Variants in PRKN observed in about 807,000 individuals in gnomAD.
The protein encoded by PRKN is parkin RBR E3 ubiquitin protein ligase.
PRKN carries 56 observed loss-of-function variants against 59.5 expected under a neutral mutation model. The ratio of observed to expected loss-of-function variants is 0.94; its 90% confidence interval spans 0.76 to 1.18. The LOEUF is 1.18. PRKN is among the 50% of genes most tolerant of loss of function. PRKN has a pLI of 0.00. For missense variants in PRKN, 657 were observed against 596.4 expected (o/e 1.10, Z -1.06); for synonymous variants, 250 against 222.1 (o/e 1.13, Z -1.12).
At chr6:162,007,912 G>C (rs1053926527) in intron 5 of PRKN, among the ~76,000 whole-genome samples, 1 of 152,102 alleles carries the variant, frequency 6.6e-6, no homozygotes, top group African/African-American at 2.4e-5. Context: ...CAATACAGCA[G>C]AATGAAAAGC....
At chr6:161,795,009 C>T (rs529305427) in intron 6 of PRKN, among the ~76,000 whole-genome samples, 7 of 151,708 alleles carry the variant, frequency 4.6e-5, no homozygotes, top group South Asian at 2.1e-4. Flanking sequence ...CTCAGCCTCC[C>T]GAGTAGCTGG....
intron 1 of PRKN, among the ~76,000 whole-genome samples, chr6:162,673,935 T>C (rs1779437030): frequency 6.6e-6 from 1 of 152,152 alleles, no homozygotes; most frequent in Admixed American, 6.5e-5. Flanking sequence ...GTTAGCACTG[T>C]AGGACTCTGG....
intron 2 of PRKN, among the ~76,000 whole-genome samples, chr6:162,415,819 A>G (rs1026478742): frequency 2.6e-5 from 4 of 152,124 alleles, no homozygotes; most frequent in African/African-American, 9.7e-5. Context: ...GTCTCAAAAA[A>G]AGTTAAGACA....
intron 1 of PRKN, among the ~76,000 whole-genome samples, chr6:162,636,255 A>C (rs1235785610): frequency 4.6e-5 from 1 of 21,956 alleles, no homozygotes; most frequent in African/African-American, 7.6e-4. Flanking sequence ...AAGTCAGTAG[A>C]AAAAAAAAAA....
In PRKN at chr6:161,352,771, A is replaced by ATT. The variant is rs1554251152; in HGVS notation, c.1286-2562_1286-2561dup. Among the ~76,000 whole-genome samples, 4 of 116,896 alleles carry ATT rather than the reference A, an allele frequency of 3.4e-5. No homozygotes were observed. The highest frequency in any genetic ancestry group is 5.9e-5 in the Non-Finnish European group (3 of 50,486). 76.7% of individuals were successfully genotyped at this position (116,896 alleles called of 152,430 possible). On this transcript the variant is annotated intron_variant, in intron 11 of 11. Transcript: ENST00000366898. The surrounding 1 kb of genome is among the most constrained non-coding windows in gnomAD (Gnocchi z 5.8). Reference sequence around the variant, plus strand: ...TGTGTGTGTGTATATATATATATATATTTTATTTTATTTTATTTTATTTTT... The same window carrying ATT: ...TGTGTGTGTGTATATATATATATATATTTTTTATTTTATTTTATTTTATTTTT...
chr6:161,524,837 G>T (rs762412913), intron 9 of PRKN, among the ~76,000 whole-genome samples: 2 of 152,124 alleles, frequency 1.3e-5, no homozygotes, highest in Non-Finnish European at 2.9e-5. Context: ...AGAGTTTGGA[G>T]GGAGACACTC....
rs34838356 is a variant in PRKN at position 162,414,726 on chromosome 6, A to AAAAAAAAAAAAAAAAAAGGT, written c.171+28583_171+28584insACCTTTTTTTTTTTTTTTTT. ...ACTCCGTCTCAAAAAAAAAAAAAAAAAGTGAATCTTTGAAGTTTTAAAATA... is the reference window on the plus strand; with the variant it reads ...ACTCCGTCTCAAAAAAAAAAAAAAAAAAAAAAAAAAAAAAAAAGGTAGTGAATCTTTGAAGTTTTAAAATA... On this transcript the variant is annotated intron_variant, in intron 2 of 11. Coordinates refer to ENST00000366898, the MANE Select transcript of PRKN (RefSeq NM_004562.3). Among the ~76,000 whole-genome samples, 54 of 91,872 alleles carry AAAAAAAAAAAAAAAAAAGGT rather than the reference A, an allele frequency of 5.9e-4. 2 individuals are homozygous for AAAAAAAAAAAAAAAAAAGGT. The highest frequency in any genetic ancestry group is 1.9e-3 in the East Asian group (5 of 2,688). 60.3% of individuals were successfully genotyped at this position (91,872 alleles called of 152,430 possible). A position where few individuals can be genotyped will look rare whatever the true frequency, so the allele number is the denominator to read the frequency against.
intron 1 of PRKN, among the ~76,000 whole-genome samples, chr6:162,588,466 A>AT (rs1476816372): frequency 6.6e-6 from 1 of 152,254 alleles, no homozygotes; most frequent in East Asian, 1.9e-4. Flanking sequence ...TGGGAACTTC[A>AT]TAACACTGTC....
chr6:161,679,556 CTTTTT>C (rs34325718), intron 7 of PRKN, among the ~76,000 whole-genome samples: 1 of 109,034 alleles, frequency 9.2e-6, no homozygotes, highest in South Asian at 3.3e-4. Flanking sequence ...AGTTTCAAGT[CTTTTT>C]TTTTTTTTTT....
intron 1 of PRKN, among the ~76,000 whole-genome samples, chr6:162,587,078 C>A (rs879542670): frequency 1.4e-4 from 22 of 152,194 alleles, no homozygotes; most frequent in Non-Finnish European, 2.6e-4. Context: ...TACATTTTAA[C>A]AAACATTTAA....
chr6:162,106,771 C>G (rs1021797205), intron 4 of PRKN, among the ~76,000 whole-genome samples: 2 of 152,150 alleles, frequency 1.3e-5, no homozygotes, highest in African/African-American at 4.8e-5. Flanking sequence ...CTGACCTTGT[C>G]CTGGGGACTG....
At chr6:161,986,482 T>G (rs1242133187) in intron 5 of PRKN, among the ~76,000 whole-genome samples, 1 of 124,492 alleles carries the variant, frequency 8.0e-6, no homozygotes, top group Non-Finnish European at 1.6e-5. Context: ...TTGGTTAGTC[T>G]GCAGTGTCCT....
In PRKN at chr6:162,081,132, T is replaced by G. The variant is rs191448957; in HGVS notation, c.535-26958A>C. 1.1e-3 allele frequency among the ~76,000 whole-genome samples: 168 copies of G among 152,208 alleles called. 4 individuals are homozygous for G. The highest frequency in any genetic ancestry group is 4.0e-3 in the African/African-American group (164 of 41,496). On this transcript the variant is annotated intron_variant, in intron 4 of 11. Coordinates refer to ENST00000366898, the MANE Select transcript of PRKN (RefSeq NM_004562.3). ...CTGCTCCACTGAAGTCTTGAATCCC[T>G]TAAAGTCATCCATGAGGGTTAGAAT...
intron 6 of PRKN, among the ~76,000 whole-genome samples, chr6:161,811,665 G>A (rs1031777861): frequency 6.6e-6 from 1 of 152,196 alleles, no homozygotes; most frequent in Non-Finnish European, 1.5e-5. Flanking sequence ...GCTCACACCT[G>A]TAATCCCAGC....
At chr6:162,071,468 C>A (rs1018186837) in intron 4 of PRKN, among the ~76,000 whole-genome samples, 5 of 142,010 alleles carry the variant, frequency 3.5e-5, no homozygotes, top group African/African-American at 1.3e-4. Context: ...CTAAACAATA[C>A]AACAGCACTA....
In PRKN at chr6:162,055,708, T is replaced by C. The variant is rs536720277; in HGVS notation, c.535-1534A>G. 3.0e-4 allele frequency among the ~76,000 whole-genome samples: 45 copies of C among 152,228 alleles called. No homozygotes were observed. In the East Asian group the frequency reaches 6.4e-3, roughly 22 times the overall value. On this transcript the variant is annotated intron_variant, in intron 4 of 11. Coordinates refer to ENST00000366898, the MANE Select transcript of PRKN (RefSeq NM_004562.3). ...GGTTAGGACTCAGGGGCAGAGGCTG[T>C]GGTGATTTTACTACCGACGACGTTT...
At chr6:161,669,881 G>A (rs1215667519) in intron 7 of PRKN, among the ~76,000 whole-genome samples, 3 of 152,172 alleles carry the variant, frequency 2.0e-5, no homozygotes, top group Non-Finnish European at 4.4e-5. Flanking sequence ...AGCAGCAGTG[G>A]GGGTCACGTG....
rs574654834 is a variant in PRKN at position 161,503,231 on chromosome 6, C to T, written c.1083+45623G>A. 1.3e-5 allele frequency among the ~76,000 whole-genome samples: 2 copies of T among 151,910 alleles called. No individual in the cohort carries two copies. The highest frequency in any genetic ancestry group is 2.9e-5 in the Non-Finnish European group (2 of 67,990). ...TAGATTGACTAAAAGGAGGGTAGAACGGGAGGGGGCTGCTGCTGTACCGTA... is the reference window on the plus strand; with the variant it reads ...TAGATTGACTAAAAGGAGGGTAGAATGGGAGGGGGCTGCTGCTGTACCGTA... On this transcript the variant is annotated intron_variant, in intron 9 of 11. Coordinates refer to ENST00000366898, the MANE Select transcript of PRKN (RefSeq NM_004562.3). This position sits in a 1 kb window ranked among gnomAD's most constrained non-coding sequence, Gnocchi z 5.1.
chr6:162,119,243 T>A (rs1780805202), intron 4 of PRKN, among the ~76,000 whole-genome samples: 1 of 152,136 alleles, frequency 6.6e-6, no homozygotes, highest in Admixed American at 6.5e-5. Context: ...CAGGAAGTGC[T>A]CGGTAATCCT....
Sources: allele counts gnomAD v4.1 joint callset (sites outside exome capture counted in the v4.1 genomes callset), GRCh38; gene constraint gnomAD v4.1.1; non-coding constraint Gnocchi (gnomAD v3.1); transcripts MANE v1.5; gene names NCBI Gene and HGNC (gene_info 2026-07-23, HGNC 2026-07-21).